Variants in KLC1 observed in about 807,000 individuals in gnomAD.
KLC1 encodes kinesin 2 60/70kDa.
A neutral mutation model predicts 84.2 loss-of-function variants in KLC1; 30 were observed. That is an observed-to-expected ratio of 0.36 (90% CI 0.27 to 0.48). The LOEUF (loss-of-function observed/expected upper bound fraction) is 0.48, where lower values mean the gene tolerates loss of function less well. Among genes scored for constraint, KLC1 ranks in the 20% least tolerant of loss-of-function variants. The pLI, the probability that KLC1 is intolerant of heterozygous loss-of-function variation, is 0.99. For synonymous variants in KLC1, 289 were observed against 293.3 expected (o/e 0.99, Z 0.15); for missense variants, 499 against 805.4 (o/e 0.62, Z 4.60).
intron 5 of KLC1, among the ~76,000 whole-genome samples, chr14:103,668,144 A>G (rs2080043981): frequency 2.0e-5 from 3 of 152,260 alleles, no homozygotes; most frequent in Non-Finnish European, 4.4e-5. Context: ...TGTAGATGGG[A>G]AGGCTGGGAC....
chr14:103,684,023 C>G (rs7494546), intron 13 of KLC1: 1 of 151,882 alleles, frequency 6.6e-6, no homozygotes, highest in African/African-American at 2.4e-5. Flanking sequence ...GCGAAAAAAA[C>G]AAAAATCAGC....
At chr14:103,638,984 GTTC>G (rs945743035) in intron 1 of KLC1, among the ~76,000 whole-genome samples, 4 of 152,158 alleles carry the variant, frequency 2.6e-5, no homozygotes, top group African/African-American at 4.8e-5. Context: ...CTTGGATTGT[GTTC>G]TTCTTGTTGG....
intron 5 of KLC1, among the ~76,000 whole-genome samples, chr14:103,667,940 T>C (rs2080020139): frequency 6.6e-6 from 1 of 152,202 alleles, no homozygotes; most frequent in Non-Finnish European, 1.5e-5. Context: ...GGTTCTGGGG[T>C]GTTTCTGTTT....
At position 103,685,045 on chromosome 14, in the gene KLC1, G is replaced by A. The variant is rs577207150; in HGVS notation, c.1651-2036G>A. ...TTGCTCAGCGTCCCATGGTGAGTCC[G>A]AGCGGGCGGGGCGCAGGCCCTGCCG... On this transcript the variant is annotated intron_variant, in intron 13 of 16. Coordinates refer to ENST00000334553, the MANE Select transcript of KLC1 (RefSeq NM_001394837.1). 4.3e-5 allele frequency: 67 copies of A among 1,542,588 alleles called. 1 individual carries two copies. In the Middle Eastern group the frequency reaches 5.4e-3, roughly 123 times the overall value.
At position 103,677,499 on chromosome 14, in the gene KLC1, A is replaced by T; in HGVS notation, c.1464A>T (p.Glu488Asp). 6.2e-7 allele frequency: 1 copy of T among 1,613,764 alleles called. No individual in the cohort carries two copies. The highest frequency in any genetic ancestry group is 8.5e-7 in the Non-Finnish European group (1 of 1,179,646). Residue 488 changes from glutamate (E) to aspartate (D), a missense_variant, in exon 12 of 17, where the codon GAA becomes GAT. Glu to Asp is a conservative substitution (Grantham distance 45). Coordinates refer to ENST00000334553, the MANE Select transcript of KLC1 (RefSeq NM_001394837.1). The part of the protein sequence containing the change: ...GKFEAAETLE[E>D]AAMRSRKQGL... The stretch of plus-strand genomic sequence containing the variant: ...TTGAAGCTGCAGAAACGTTAGAAGA[A>T]GCTGCTATGAGGTCTCGTAAACAGG...
At chr14:103,679,250 C>A in intron 12 of KLC1, 134 bp from the exon 13 acceptor site, 1 of 1,205,766 alleles carries the variant, frequency 8.3e-7, no homozygotes, top group Non-Finnish European at 1.2e-6. Context: ...TCCAAGGAAC[C>A]ACTCTTCCAA....
At chr14:103,663,368 C>T (rs573571011) in intron 5 of KLC1, among the ~76,000 whole-genome samples, 33 of 152,324 alleles carry the variant, frequency 2.2e-4, no homozygotes, top group Middle Eastern at 3.4e-3. Context: ...GCGTGAGCCA[C>T]CGCGCCCGGC....
In KLC1 at chr14:103,699,667, A is replaced by G; in HGVS notation, c.1849-988A>G. 3.8e-6 allele frequency: 5 copies of G among 1,306,270 alleles called. No homozygotes were observed. In the East Asian group the frequency reaches 1.2e-4, roughly 31 times the overall value. The allele number at this position is 1,306,270 out of a possible 1,614,324, so 80.9% of individuals were successfully genotyped here. A position where few individuals can be genotyped will look rare whatever the true frequency, so the allele number is the denominator to read the frequency against. On this transcript the variant is annotated intron_variant, in intron 15 of 16. Transcript: ENST00000334553. ...TTTGGACTGTCACTCGACCGTCTGAAAACCTTCCTACCCACCTGGGGCTCA... is the reference window on the plus strand; with the variant it reads ...TTTGGACTGTCACTCGACCGTCTGAGAACCTTCCTACCCACCTGGGGCTCA...
intron 1 of KLC1, among the ~76,000 whole-genome samples, chr14:103,630,096 C>T (rs1291027855): frequency 6.6e-6 from 1 of 152,236 alleles, no homozygotes; most frequent in Non-Finnish European, 1.5e-5. Context: ...TCCTTGGCGA[C>T]CCCTTATTTT....
At chr14:103,654,131 CT>C (rs2078672640) in intron 1 of KLC1, among the ~76,000 whole-genome samples, 1 of 152,064 alleles carries the variant, frequency 6.6e-6, no homozygotes, top group South Asian at 2.1e-4. Context: ...GCTGGTTTTT[CT>C]TTCTTCTTCC....
chr14:103,676,349 A>C lies in KLC1; in HGVS notation c.1379+593A>C, dbSNP rs1189504173. 2.0e-5 allele frequency among the ~76,000 whole-genome samples: 3 copies of C among 151,570 alleles called. No homozygotes were observed. The East Asian group carries it at 5.8e-4, about 29-fold the overall frequency. ...AATGGCGTGATCATGGCTCACTGCA[A>C]CCTCCACCTCCCAGGTTCAAGTGAT... On this transcript the variant is annotated intron_variant, in intron 11 of 16. Coordinates refer to ENST00000334553, the MANE Select transcript of KLC1 (RefSeq NM_001394837.1).
At chr14:103,684,992 A>T in intron 13 of KLC1, 1 of 1,118,550 alleles carries the variant, frequency 8.9e-7, no homozygotes, top group Non-Finnish European at 1.3e-6. Flanking sequence ...AAAGATGAGG[A>T]AAATGAAGCT....
Position 103,694,676 on chromosome 14 carries a change from G to A in KLC1, c.1848+2251G>A, listed in dbSNP as rs903218626. On this transcript the variant is annotated intron_variant, in intron 15 of 16. Coordinates refer to ENST00000334553, the MANE Select transcript of KLC1 (RefSeq NM_001394837.1). The surrounding 1 kb of genome is among the most constrained non-coding windows in gnomAD (Gnocchi z 4.5). Reference sequence around the variant, plus strand: ...CAACTAGGCTACGGGATGGAGGGGCGGTCTGTGAAACACCAGCCATCCCGT... The same window carrying A: ...CAACTAGGCTACGGGATGGAGGGGCAGTCTGTGAAACACCAGCCATCCCGT... The A allele has an allele frequency of 4.4e-5, 43 of 985,308 alleles. No homozygotes were observed. Among genetic ancestry groups the A allele is most frequent in the African/African-American group, 1.6e-4 (9 of 57,232 alleles). 61.0% of individuals were successfully genotyped at this position (985,308 alleles called of 1,614,324 possible).
chr14:103,641,150 C>T (rs2077459820), intron 1 of KLC1, among the ~76,000 whole-genome samples: 1 of 152,110 alleles, frequency 6.6e-6, no homozygotes, highest in Non-Finnish European at 1.5e-5. Context: ...GTCTCGAACT[C>T]CTGCCCTTAA....
chr14:103,636,786 G>T (rs1005418047), intron 1 of KLC1, among the ~76,000 whole-genome samples: 1 of 151,748 alleles, frequency 6.6e-6, no homozygotes, highest in Non-Finnish European at 1.5e-5. Context: ...GCAGTGGCGC[G>T]ATCTCGGCTC....
At chr14:103,637,622 A>G (rs935977585) in intron 1 of KLC1, among the ~76,000 whole-genome samples, 30 of 151,858 alleles carry the variant, frequency 2.0e-4, no homozygotes, top group African/African-American at 6.3e-4. Flanking sequence ...TTCTGAAAGC[A>G]TATCTATAAA....
intron 1 of KLC1, among the ~76,000 whole-genome samples, chr14:103,634,648 G>A (rs1166395699): frequency 6.6e-6 from 1 of 152,182 alleles, no homozygotes; most frequent in Admixed American, 6.5e-5. Flanking sequence ...GAGGAGATCA[G>A]TAGCAAATTG....
chr14:103,698,909 G>A, intron 15 of KLC1: 3 of 1,599,380 alleles, frequency 1.9e-6, no homozygotes, highest in East Asian at 2.3e-5. Flanking sequence ...TCCGGGCTGG[G>A]CAGCCGAGGG....
chr14:103,649,745 G>T (rs2078262457), intron 1 of KLC1, among the ~76,000 whole-genome samples: 1 of 151,458 alleles, frequency 6.6e-6, no homozygotes, highest in African/African-American at 2.4e-5. Context: ...GCCCAGGCTG[G>T]AGTGCAGTGG....
Sources: allele counts gnomAD v4.1 joint callset (sites outside exome capture counted in the v4.1 genomes callset), GRCh38; gene constraint gnomAD v4.1.1; non-coding constraint Gnocchi (gnomAD v3.1); transcripts MANE v1.5; gene names NCBI Gene and HGNC (gene_info 2026-07-23, HGNC 2026-07-21).